The following USH2A variants were observed in gnomAD, a reference collection of about 807,000 sequenced individuals.
USH2A encodes Usher syndrome 2A (autosomal recessive, mild).
A neutral mutation model predicts 538.9 loss-of-function variants in USH2A; 443 were observed. The ratio of observed to expected loss-of-function variants is 0.82; its 90% confidence interval spans 0.76 to 0.89. USH2A has a LOEUF of 0.89. USH2A is among the 40% of genes least tolerant of loss of function. USH2A has a pLI of 0.00. For missense variants in USH2A, 6,633 were observed against 6,324.8 expected (o/e 1.05, Z -1.65); for synonymous variants, 2,413 against 2,273.5 (o/e 1.06, Z -1.75).
intron 60 of USH2A, among the ~76,000 whole-genome samples, chr1:215,737,331 T>C (rs1660183024): frequency 6.6e-6 from 1 of 151,948 alleles, no homozygotes; most frequent in South Asian, 2.1e-4. Context: ...GAATGAATAA[T>C]AACCTTAGTA....
At chr1:216,065,678 CCT>C (rs1297522691) in intron 30 of USH2A, among the ~76,000 whole-genome samples, 32 of 152,122 alleles carry the variant, frequency 2.1e-4, no homozygotes, top group African/African-American at 7.5e-4. Flanking sequence ...TGGTGGATCA[CCT>C]GAGGTCAGGA....
chr1:215,627,916 C>A (rs1045059552), intron 71 of USH2A, among the ~76,000 whole-genome samples: 2 of 152,060 alleles, frequency 1.3e-5, no homozygotes, highest in African/African-American at 4.8e-5. Context: ...TGATAGTTGG[C>A]AAAAATTCTA....
At chr1:215,701,435 A>G (rs1264795164) in intron 61 of USH2A, among the ~76,000 whole-genome samples, 1 of 152,108 alleles carries the variant, frequency 6.6e-6, no homozygotes, top group African/African-American at 2.4e-5. Context: ...GTCTCTCACT[A>G]TTATTCTGTG....
Position 215,888,788 on chromosome 1 carries a change from G to A in USH2A, c.7861C>T (p.Pro2621Ser), listed in dbSNP as rs866592974. 36 of 1,614,086 alleles carry A rather than the reference G, an allele frequency of 2.2e-5. No individual in the cohort carries two copies. Among genetic ancestry groups the A allele is most frequent in the Non-Finnish European group, 3.1e-5 (36 of 1,180,010 alleles). Residue 2621 changes from proline (P) to serine (S), a missense_variant, in exon 41 of 72, where the codon CCA (proline) becomes TCA (serine). Transcript: ENST00000307340. ...CTTGGGATCCCTTCCGGTGCCCCTG[G>A]GAGTGTCCATACAGTCTGGGACTCT... ...SPESQTVWTL[P>S]GAPEGIPSPE... is the part of the protein sequence containing the mutation.
chr1:216,289,282 G>A lies in USH2A; in HGVS notation c.1969C>T (p.Gln657Ter). Residue 657 changes from glutamine (Q) to a stop codon, truncating the protein, a stop_gained and splice_region_variant, in exon 11 of 72, where the codon CAG (glutamine) becomes TAG (stop). Coordinates refer to ENST00000307340, the MANE Select transcript of USH2A (RefSeq NM_206933.4). LOFTEE classifies it high-confidence loss of function. ...CTTAAATACTCAGAAAAACTCACCT[G>A]ATCACAAAGAATGCTACCATTTCTA... is the stretch of plus-strand genomic sequence containing the variant. ...GTRNGSILCD[Q>*]IGGQCNCKRH... 6.2e-7 allele frequency: 1 copy of A among 1,613,774 alleles called. No individual in the cohort carries two copies. The highest frequency in any genetic ancestry group is 8.5e-7 in the Non-Finnish European group (1 of 1,179,756).
At chr1:215,679,981 A>G (rs945525560) in intron 62 of USH2A, among the ~76,000 whole-genome samples, 168 bp downstream of exon 62, 6 of 152,236 alleles carry the variant, frequency 3.9e-5, no homozygotes, top group Admixed American at 1.3e-4. Flanking sequence ...AGCATCACAC[A>G]TCTAAGCTAG....
intron 20 of USH2A, among the ~76,000 whole-genome samples, chr1:216,187,328 G>A (rs952076872): frequency 4.6e-5 from 7 of 151,748 alleles, no homozygotes; most frequent in Non-Finnish European, 7.4e-5. Context: ...CCTCCACAGT[G>A]CTTTAAATAG....
chr1:215,936,170 T>A (rs1158595093), intron 37 of USH2A, among the ~76,000 whole-genome samples: 1 of 151,960 alleles, frequency 6.6e-6, no homozygotes, highest in Non-Finnish European at 1.5e-5. Flanking sequence ...AAAAAACACA[T>A]GATATTGAGC....
At chr1:216,104,971 C>T (rs1391589571) in intron 21 of USH2A, among the ~76,000 whole-genome samples, 1 of 152,048 alleles carries the variant, frequency 6.6e-6, no homozygotes, top group Admixed American at 6.6e-5. Context: ...AAGAAAGAAA[C>T]AAACAACCCC....
chr1:215,986,860 G>A (rs151134621), intron 35 of USH2A, among the ~76,000 whole-genome samples: 1,588 of 152,180 alleles, frequency 0.01, 19 homozygotes, highest in Non-Finnish European at 0.017. Flanking sequence ...CCTCTACTCC[G>A]TGGCACTCTG....
chr1:215,938,935 T>C (rs923028004), intron 37 of USH2A, among the ~76,000 whole-genome samples: 3 of 152,156 alleles, frequency 2.0e-5, no homozygotes, highest in Admixed American at 6.6e-5. Context: ...CATCAGAGCA[T>C]AGGGTGCTGG....
chr1:215,953,238 A>C (rs531678857), intron 37 of USH2A, among the ~76,000 whole-genome samples: 21 of 152,304 alleles, frequency 1.4e-4, no homozygotes, highest in African/African-American at 4.6e-4. Flanking sequence ...TGGAACCAAA[A>C]AAAGAGCCCG....
At chr1:216,018,015 C>A (rs1172220387) in intron 32 of USH2A, among the ~76,000 whole-genome samples, 1 of 151,724 alleles carries the variant, frequency 6.6e-6, no homozygotes, top group South Asian at 2.1e-4. Flanking sequence ...AAATGCCACA[C>A]CCTATAAGAA....
chr1:216,370,456 TAGGTAAAG>T (rs923313650), intron 3 of USH2A, among the ~76,000 whole-genome samples: 1 of 150,224 alleles, frequency 6.7e-6, no homozygotes, highest in Admixed American at 6.6e-5. Flanking sequence ...GATCACGAGG[TAGGTAAAG>T]AGGTAAAGAG....
intron 32 of USH2A, among the ~76,000 whole-genome samples, chr1:216,031,414 A>T (rs1173886411): frequency 2.0e-5 from 3 of 152,196 alleles, no homozygotes; most frequent in Non-Finnish European, 4.4e-5. Context: ...AGCAGATTTT[A>T]TTTTACACTG....
At chr1:215,962,135 G>A (rs564702331) in intron 37 of USH2A, among the ~76,000 whole-genome samples, 39 of 151,930 alleles carry the variant, frequency 2.6e-4, no homozygotes, top group Non-Finnish European at 4.6e-4. Flanking sequence ...TTAACATATC[G>A]AATTGGCAAA....
intron 9 of USH2A, among the ~76,000 whole-genome samples, chr1:216,317,962 C>T (rs1227491804): frequency 6.6e-6 from 1 of 152,082 alleles, no homozygotes; most frequent in Non-Finnish European, 1.5e-5. Flanking sequence ...ACCTGTGAGC[C>T]ACCAATTTGT....
intron 66 of USH2A, 150 bp downstream of exon 66, chr1:215,648,378 T>C (rs1656929367): frequency 6.3e-6 from 5 of 796,742 alleles, no homozygotes; most frequent in Admixed American, 3.7e-5. Context: ...TACTTTGCTA[T>C]AGATATCTGT....
intron 47 of USH2A, among the ~76,000 whole-genome samples, chr1:215,826,524 G>A (rs1460962278): frequency 1.3e-5 from 2 of 152,154 alleles, no homozygotes; most frequent in Non-Finnish European, 2.9e-5. Context: ...TTAGGCCTGA[G>A]CTTTAGAAAT....
Sources: gnomAD v4.1 joint callset for allele counts (sites outside exome capture counted in the v4.1 genomes callset) on GRCh38, gnomAD v4.1.1 for gene constraint, MANE v1.5 for transcripts, NCBI Gene and HGNC (gene_info 2026-07-23, HGNC 2026-07-21) for gene names.